Variants in ESCO1 observed in about 807,000 individuals in gnomAD.
ESCO1 encodes N-acetyltransferase ESCO1.
ESCO1 carries 33 observed loss-of-function variants against 83.5 expected under a neutral mutation model. The ratio of observed to expected loss-of-function variants is 0.40; its 90% CI spans 0.30 to 0.53. The LOEUF (loss-of-function observed/expected upper bound fraction) is 0.53. ESCO1 is among the 20% of genes least tolerant of loss of function. ESCO1 has a pLI of 0.63. For synonymous variants in ESCO1, 332 were observed against 324.3 expected (o/e 1.02, Z -0.25); for missense variants, 855 against 968.0 (o/e 0.88, Z 1.55).
At chr18:21,550,215 G>T (rs1036211237) in intron 8 of ESCO1, among the ~76,000 whole-genome samples, 1 of 152,160 alleles carries the variant, frequency 6.6e-6, no homozygotes, top group African/African-American at 2.4e-5. Flanking sequence ...AGAACAAGAA[G>T]AGTCTCATCA....
chr18:21,532,519 T>A lies in ESCO1; in HGVS notation c.2329A>T (p.Met777Leu). The change falls in exon 11 of 12, where the codon ATG becomes TTG. Residue 777 changes from methionine (M) to leucine (L), a missense_variant. Met to Leu is a conservative substitution (Grantham distance 15, BLOSUM62 2). Coordinates refer to ENST00000269214, the MANE Select transcript of ESCO1 (RefSeq NM_052911.3). ...GAAGCAATTTTCTTCCGACGCATCA[T>A]GCTGAATACCCATATTCGACTGATC... is the stretch of plus-strand genomic sequence containing the variant. ...CGISRIWVFS[M>L]MRRKKIASRM... is the part of the protein sequence containing the mutation. 6.2e-7 allele frequency: 1 copy of A among 1,613,978 alleles called. No individual in the cohort carries two copies. The highest frequency in any genetic ancestry group is 1.7e-4 in the Middle Eastern group (1 of 6,060).
At chr18:21,578,235 T>C (rs2038446736) in intron 2 of ESCO1, among the ~76,000 whole-genome samples, 1 of 151,378 alleles carries the variant, frequency 6.6e-6, no homozygotes, top group Admixed American at 6.6e-5. Context: ...AGACAAAAAC[T>C]AAAAATAAGC....
chr18:21,573,233 T>C (rs1405444905), intron 4 of ESCO1, 81 bp downstream of exon 4: 27 of 1,348,284 alleles, frequency 2.0e-5, no homozygotes, highest in Non-Finnish European at 2.7e-5. Flanking sequence ...TATGACTTCA[T>C]TCTTATGCTA....
At chr18:21,564,888 C>T (rs1049562817) in intron 6 of ESCO1, among the ~76,000 whole-genome samples, 4 of 151,340 alleles carry the variant, frequency 2.6e-5, no homozygotes, top group Admixed American at 2.0e-4. Flanking sequence ...GGTGAAACCC[C>T]GTTTCTACTA....
At position 21,574,278 on chromosome 18, in the gene ESCO1, T is replaced by C. The variant is rs1340814137; in HGVS notation, c.566A>G (p.Asp189Gly). Reference sequence around the variant, plus strand: ...TACTTCATTAATTACTAGATTTTCATCTTCTTTAGAGTCAGACTTTACTTC... The same window carrying C: ...TACTTCATTAATTACTAGATTTTCACCTTCTTTAGAGTCAGACTTTACTTC... The part of the protein sequence containing the change: ...VLEVKSDSKE[D>G]ENLVINEVIN... Residue 189 changes from aspartate to glycine, a missense_variant, in exon 4 of 12, where the codon GAT becomes GGT. Asp to Gly is a moderately conservative substitution (Grantham distance 94, BLOSUM62 -1). Coordinates refer to ENST00000269214, the MANE Select transcript of ESCO1 (RefSeq NM_052911.3). 6.2e-7 allele frequency: 1 copy of C among 1,613,782 alleles called. No individual in the cohort carries two copies. The highest frequency in any genetic ancestry group is 8.5e-7 in the Non-Finnish European group (1 of 1,179,944).
chr18:21,533,401 T>G (rs1395989629), intron 10 of ESCO1, among the ~76,000 whole-genome samples: 2 of 152,002 alleles, frequency 1.3e-5, no homozygotes, highest in Non-Finnish European at 2.9e-5. Flanking sequence ...GTTCAAGAGA[T>G]TCTCATGCCT....
At chr18:21,532,358 GTAAT>G (rs1250932103) in intron 11 of ESCO1, 111 bp downstream of exon 11, 3 of 1,163,620 alleles carry the variant, frequency 2.6e-6, no homozygotes, top group East Asian at 5.0e-5. Context: ...TGCAAAATTT[GTAAT>G]TAATACAAAT....
At chr18:21,585,003 G>C (rs1311692909) in intron 1 of ESCO1, among the ~76,000 whole-genome samples, 1 of 151,946 alleles carries the variant, frequency 6.6e-6, no homozygotes, top group Non-Finnish European at 1.5e-5. Flanking sequence ...TTAGCCAGGT[G>C]TGGTGGCGGG....
intron 8 of ESCO1, among the ~76,000 whole-genome samples, chr18:21,546,673 A>G (rs2037978291): frequency 6.6e-6 from 1 of 152,110 alleles, no homozygotes; most frequent in Non-Finnish European, 1.5e-5. Context: ...CAGCCTCCCG[A>G]GTAGATGGGA....
At chr18:21,553,855 ACT>A (rs1038059346) in intron 8 of ESCO1, among the ~76,000 whole-genome samples, 3 of 146,762 alleles carry the variant, frequency 2.0e-5, no homozygotes, top group Non-Finnish European at 3.0e-5. Flanking sequence ...CAAGAAGGAA[ACT>A]CTGTCAAAAA....
intron 11 of ESCO1, among the ~76,000 whole-genome samples, chr18:21,531,670 T>C (rs928040951): frequency 2.0e-5 from 3 of 150,496 alleles, no homozygotes; most frequent in African/African-American, 4.9e-5. Context: ...AATAGAAAAA[T>C]TGGCCAGATG....
intron 10 of ESCO1, among the ~76,000 whole-genome samples, chr18:21,535,402 T>C (rs553079131): frequency 2.1e-4 from 32 of 149,952 alleles, no homozygotes; most frequent in African/African-American, 7.6e-4. Context: ...CTTTTTTTTT[T>C]TGAGACCGAG....
chr18:21,579,784 A>ACACGCGCGCG (rs1376352667), intron 2 of ESCO1, among the ~76,000 whole-genome samples: 3 of 60,196 alleles, frequency 5.0e-5, no homozygotes, highest in African/African-American at 1.2e-4. Context: ...ACACACACAC[A>ACACGCGCGCG]CGCGCGCGCG....
At chr18:21,569,154 C>A (rs2038303640) in intron 4 of ESCO1, among the ~76,000 whole-genome samples, 1 of 152,098 alleles carries the variant, frequency 6.6e-6, no homozygotes, top group Non-Finnish European at 1.5e-5. Flanking sequence ...CTTTCGTGTG[C>A]TTATCACTTT....
rs1481460453 is a variant in ESCO1, at chr18:21,575,828, T to C, written c.-693-51A>G. 5 of 396,608 alleles carry C rather than the reference T, an allele frequency of 1.3e-5. No individual in the cohort carries two copies. The Admixed American group carries it at 1.3e-4, about 10-fold the overall frequency. 24.6% of individuals were successfully genotyped at this position (396,608 alleles called of 1,614,324 possible). ...TGTTCAAAAGGACAAAGGAAAGATG[T>C]AATCATCCATTCGGCTCTCATCAAA... On this transcript the variant is annotated intron_variant, in intron 2 of 11. Transcript: ENST00000269214.
At chr18:21,542,603 C>T (rs552027193) in intron 8 of ESCO1, among the ~76,000 whole-genome samples, 1 of 152,302 alleles carries the variant, frequency 6.6e-6, no homozygotes, top group East Asian at 1.9e-4. Context: ...CTTCCATTCT[C>T]CCTTCTTACT....
Position 21,580,119 on chromosome 18 carries a change from G to A in ESCO1, c.-694+4191C>T, listed in dbSNP as rs558629802. On this transcript the variant is annotated intron_variant, in intron 2 of 11. Transcript: ENST00000269214. ...TCGGTGTATTGGTCAGGCTGGTCTC[G>A]AACTCCTGACTTTAGGTAATCCAAC... is the stretch of plus-strand genomic sequence containing the variant. Among the ~76,000 whole-genome samples the A allele has an allele frequency of 2.3e-4, 35 of 151,774 alleles. 1 individual carries two copies. In the East Asian group the frequency reaches 3.1e-3, roughly 14 times the overall value.
intron 8 of ESCO1, among the ~76,000 whole-genome samples, chr18:21,542,535 G>A (rs935761079): frequency 1.3e-5 from 2 of 152,146 alleles, no homozygotes; most frequent in South Asian, 2.1e-4. Flanking sequence ...GGGTAGGTAC[G>A]AGGGTGCTGT....
chr18:21,554,641 G>A (rs908849659), intron 8 of ESCO1, among the ~76,000 whole-genome samples: 1 of 152,098 alleles, frequency 6.6e-6, no homozygotes, highest in Non-Finnish European at 1.5e-5. Flanking sequence ...AAGGCGTGGT[G>A]GCTCACACCT....
Sources: allele counts gnomAD v4.1 joint callset (sites outside exome capture counted in the v4.1 genomes callset), GRCh38; gene constraint gnomAD v4.1.1; transcripts MANE v1.5; gene names NCBI Gene and HGNC (gene_info 2026-07-23, HGNC 2026-07-21).